The following CNIH3 variants were observed in gnomAD, a reference collection of about 807,000 sequenced individuals.
CNIH3 encodes protein cornichon homolog 3.
CNIH3 carries 14 observed loss-of-function variants against 24.1 expected under a neutral mutation model. That is an observed-to-expected ratio of 0.58 (90% CI 0.38 to 0.91). The LOEUF (loss-of-function observed/expected upper bound fraction) is 0.91. Ranked by LOEUF, CNIH3 falls within the 40% of genes least tolerant of loss-of-function variation. The pLI is 0.00. For missense variants in CNIH3, 178 were observed against 196.8 expected (o/e 0.90, Z 0.57); for synonymous variants, 68 against 73.8 (o/e 0.92, Z 0.40).
At chr1:224,643,971 T>C (rs1684479568) in intron 1 of CNIH3, among the ~76,000 whole-genome samples, 1 of 152,084 alleles carries the variant, frequency 6.6e-6, no homozygotes, top group Admixed American at 6.5e-5. Context: ...AGACTGGAAG[T>C]TGGGGGTTGG....
chr1:224,570,876 A>G lies in CNIH3; in HGVS notation n.516+4612A>G, dbSNP rs544007399. Among the ~76,000 whole-genome samples the G allele has an allele frequency of 3.3e-5, 5 of 152,144 alleles. No individual in the cohort carries two copies. The East Asian group carries it at 7.7e-4, about 23-fold the overall frequency. On this transcript the variant is annotated intron_variant and non_coding_transcript_variant, in intron 4 of 5. Coordinates refer to the CNIH3 transcript ENST00000471578. ...TGTGAAACTGATGTTTGTGTTCAAT[A>G]GGATAGATCCAATAGAAATAGGATC...
At chr1:224,462,036 G>A (rs1288354025) in intron 1 of CNIH3, among the ~76,000 whole-genome samples, 2 of 152,002 alleles carry the variant, frequency 1.3e-5, no homozygotes, top group African/African-American at 4.8e-5. Context: ...TAGGTTCACA[G>A]CAAAATTGAG....
chr1:224,697,991 G>A (rs965898365), intron 3 of CNIH3, among the ~76,000 whole-genome samples: 7 of 152,142 alleles, frequency 4.6e-5, no homozygotes, highest in East Asian at 1.9e-4. Context: ...TTCTCCCCAC[G>A]GAAAAGCTGC....
intron 1 of CNIH3, among the ~76,000 whole-genome samples, chr1:224,657,920 C>T (rs1685174853): frequency 6.6e-6 from 1 of 152,154 alleles, no homozygotes; most frequent in Admixed American, 6.5e-5. Flanking sequence ...AACAATTTAA[C>T]ATAATCATAA....
intron 3 of CNIH3, among the ~76,000 whole-genome samples, chr1:224,710,408 C>A (rs1279486904): frequency 6.6e-6 from 1 of 152,164 alleles, no homozygotes; most frequent in Non-Finnish European, 1.5e-5. Flanking sequence ...GGTCTTCGTT[C>A]AAGTCCTTAG....
At position 224,617,245 on chromosome 1, in the gene CNIH3, C is replaced by T; in HGVS notation, c.71C>T (p.Ala24Val). ...LVLCAALIFF[A>V]IWHIIAFDEL... ...CTGTGCGCTGCGCTCATCTTCTTCGCCATCTGGCACGTGAGTAACACGCTT... is the reference window on the plus strand; with the variant it reads ...CTGTGCGCTGCGCTCATCTTCTTCGTCATCTGGCACGTGAGTAACACGCTT... Residue 24 changes from alanine to valine, a missense_variant, in exon 1 of 6, where the codon GCC becomes GTC. Transcript: ENST00000272133. 6.2e-7 allele frequency: 1 copy of T among 1,613,996 alleles called. No individual in the cohort carries two copies. The highest frequency in any genetic ancestry group is 8.5e-7 in the Non-Finnish European group (1 of 1,179,956).
At chr1:224,532,297 C>G (rs1679105283) in intron 2 of CNIH3, among the ~76,000 whole-genome samples, 1 of 152,090 alleles carries the variant, frequency 6.6e-6, no homozygotes, top group South Asian at 2.1e-4. Context: ...TGAGGTCAGA[C>G]AGAAAACAGG....
chr1:224,449,339 C>T (rs1271073485), intron 1 of CNIH3, among the ~76,000 whole-genome samples: 3 of 151,994 alleles, frequency 2.0e-5, no homozygotes, highest in African/African-American at 7.2e-5. Context: ...TCTATTGATC[C>T]TACCCTTTTC....
At chr1:224,437,373 T>C (rs10799573) in intron 1 of CNIH3, among the ~76,000 whole-genome samples, 86,673 of 152,162 alleles carry the variant, frequency 0.57, 28,550 homozygotes, top group East Asian at 0.96. Context: ...AGGTAACTTC[T>C]TGTCCTTGAA....
chr1:224,731,575 C>T (rs1689326631), intron 4 of CNIH3, among the ~76,000 whole-genome samples: 1 of 152,226 alleles, frequency 6.6e-6, no homozygotes, highest in Non-Finnish European at 1.5e-5. Flanking sequence ...ACACCTAAGA[C>T]ATGCACTCCT....
At chr1:224,467,624 A>G (rs1676200665) in intron 1 of CNIH3, among the ~76,000 whole-genome samples, 1 of 151,922 alleles carries the variant, frequency 6.6e-6, no homozygotes, top group Non-Finnish European at 1.5e-5. Flanking sequence ...GGGTTTCACC[A>G]TATTGGCCAG....
intron 3 of CNIH3, among the ~76,000 whole-genome samples, chr1:224,601,919 T>C (rs764901134): frequency 4.6e-5 from 7 of 152,250 alleles, no homozygotes; most frequent in Non-Finnish European, 8.8e-5. Flanking sequence ...TTCTAAAACT[T>C]TGGCTGAAAT....
intron 3 of CNIH3, among the ~76,000 whole-genome samples, chr1:224,693,371 G>T (rs191336360): frequency 1.4e-4 from 22 of 152,318 alleles, no homozygotes; most frequent in Middle Eastern, 6.8e-3. Flanking sequence ...GTTCTCTATT[G>T]CCCTGATAAT....
intron 1 of CNIH3, among the ~76,000 whole-genome samples, chr1:224,650,380 A>G (rs1313584654): frequency 6.6e-6 from 1 of 152,212 alleles, no homozygotes; most frequent in African/African-American, 2.4e-5. Context: ...TGGAGGTTGC[A>G]CAAACTAACC....
chr1:224,571,426 A>G (rs866329432), intron 4 of CNIH3, among the ~76,000 whole-genome samples: 3 of 152,082 alleles, frequency 2.0e-5, no homozygotes, highest in South Asian at 4.1e-4. Flanking sequence ...AGAAGAGGGC[A>G]TCATAAAACC....
intron 1 of CNIH3, among the ~76,000 whole-genome samples, chr1:224,664,548 G>T (rs1441432351): frequency 6.6e-6 from 1 of 152,170 alleles, no homozygotes; most frequent in Non-Finnish European, 1.5e-5. Context: ...AATGCCTATT[G>T]CTGTGTGTGG....
At chr1:224,585,916 A>G (rs556961012) in intron 5 of CNIH3, among the ~76,000 whole-genome samples, 212 of 152,392 alleles carry the variant, frequency 1.4e-3, no homozygotes, top group Non-Finnish European at 1.4e-3. Flanking sequence ...TTAAAAATCC[A>G]TAAGCAGCAT....
At chr1:224,710,807 G>T (rs1441914481) in intron 3 of CNIH3, among the ~76,000 whole-genome samples, 1 of 152,158 alleles carries the variant, frequency 6.6e-6, no homozygotes, top group Non-Finnish European at 1.5e-5. Flanking sequence ...TTACATTTCA[G>T]CTCAAGTGTC....
chr1:224,614,597 C>T (rs186148371), upstream of CNIH3, among the ~76,000 whole-genome samples: 558 of 151,952 alleles, frequency 3.7e-3, 2 homozygotes, highest in African/African-American at 0.013. Flanking sequence ...GCTATGATAG[C>T]ACCACTGCAC....
Sources: gnomAD v4.1 joint callset for allele counts (sites outside exome capture counted in the v4.1 genomes callset) on GRCh38, gnomAD v4.1.1 for gene constraint, MANE v1.5 for transcripts, NCBI Gene and HGNC (gene_info 2026-07-23, HGNC 2026-07-21) for gene names.